The following ANKRD36C variants were observed in gnomAD, a reference collection of about 807,000 sequenced individuals.
The protein encoded by ANKRD36C is ankyrin repeat domain-containing protein 36C.
Under a neutral mutation model 276.4 loss-of-function variants are expected in ANKRD36C, and 61 were observed. The ratio of observed to expected loss-of-function variants is 0.22; its 90% CI spans 0.18 to 0.27. ANKRD36C has a LOEUF of 0.27. Ranked by LOEUF, ANKRD36C falls within the 10% of genes least tolerant of loss-of-function variation. The pLI is 1.00. For missense variants in ANKRD36C, 1,447 were observed against 2,032.3 expected, an observed-to-expected ratio of 0.71 and a Z score of 5.54; for synonymous variants, 483 against 680.1, an observed-to-expected ratio of 0.71 and a Z score of 4.51.
chr2:95,965,396 G>C (rs1678567939), intron 6 of ANKRD36C, among the ~76,000 whole-genome samples: 1 of 152,034 alleles, frequency 6.6e-6, no homozygotes, highest in African/African-American at 2.4e-5. Flanking sequence ...TCATGAGGGG[G>C]AGCCAAGAGG....
chr2:95,958,281 G>C (rs1573803439), intron 12 of ANKRD36C, among the ~76,000 whole-genome samples: 1 of 151,906 alleles, frequency 6.6e-6, no homozygotes, highest in South Asian at 2.1e-4. Context: ...TCTCCTTCCT[G>C]TCTTGATGGA....
At chr2:95,931,283 C>T (rs1677561225) in intron 24 of ANKRD36C, among the ~76,000 whole-genome samples, 2 of 151,198 alleles carry the variant, frequency 1.3e-5, no homozygotes, top group African/African-American at 4.8e-5. Flanking sequence ...CATAGACACT[C>T]TTTCACAGCT....
chr2:95,875,051 G>A (rs938241674), intron 59 of ANKRD36C, among the ~76,000 whole-genome samples: 3 of 152,178 alleles, frequency 2.0e-5, no homozygotes, highest in Non-Finnish European at 4.4e-5. Flanking sequence ...AGAAGATGTG[G>A]AGAAATAGCA....
intron 8 of ANKRD36C, among the ~76,000 whole-genome samples, chr2:95,961,978 T>C (rs1202096457): frequency 1.3e-5 from 2 of 152,020 alleles, no homozygotes; most frequent in African/African-American, 2.4e-5. Flanking sequence ...TCCAATCAGT[T>C]CTTCCATGTG....
intron 19 of ANKRD36C, among the ~76,000 whole-genome samples, chr2:95,943,467 G>A (rs1413185023): frequency 6.7e-6 from 1 of 148,252 alleles, no homozygotes; most frequent in Non-Finnish European, 1.5e-5. Context: ...CTGGGAGACA[G>A]AGCGAGACTC....
chr2:95,973,246 T>C (rs1678734032), intron 6 of ANKRD36C, among the ~76,000 whole-genome samples: 1 of 152,072 alleles, frequency 6.6e-6, no homozygotes, highest in South Asian at 2.1e-4. Flanking sequence ...ACCCCGTCTC[T>C]ACTAAAAATA....
At chr2:95,926,833 C>T (rs1195661391) in intron 28 of ANKRD36C, among the ~76,000 whole-genome samples, 11 of 151,346 alleles carry the variant, frequency 7.3e-5, no homozygotes, top group African/African-American at 1.5e-4. Flanking sequence ...TGTTTATGGG[C>T]TATTACCATA....
At chr2:95,957,676 A>C (rs1678362270) in intron 12 of ANKRD36C, among the ~76,000 whole-genome samples, 1 of 152,234 alleles carries the variant, frequency 6.6e-6, no homozygotes, top group Non-Finnish European at 1.5e-5. Flanking sequence ...AAGGTTGTCC[A>C]TTTGGAAATC....
intron 58 of ANKRD36C, among the ~76,000 whole-genome samples, chr2:95,879,452 T>G (rs141262631): frequency 0.092 from 13,126 of 142,506 alleles, 1,000 homozygotes; most frequent in African/African-American, 0.11. Context: ...AAGTACAAAT[T>G]AAAAGACAGC....
At chr2:95,897,093 G>A (rs930735978) in intron 44 of ANKRD36C, among the ~76,000 whole-genome samples, 177 bp downstream of exon 60, 4 of 150,252 alleles carry the variant, frequency 2.7e-5, no homozygotes, top group Non-Finnish European at 4.5e-5. Flanking sequence ...TTACGGCGAA[G>A]ATCACGTTCC....
At position 95,901,957 on chromosome 2, in the gene ANKRD36C, G is replaced by C. The variant is rs1416955554; in HGVS notation, c.2654-2621C>G. The stretch of plus-strand genomic sequence containing the variant: ...CAAAGTCAAATGGCTACAAGCATTA[G>C]ATATTAATCAGTTTTTCATTCAGAA... On this transcript the variant is annotated intron_variant, in intron 42 of 66. Coordinates refer to ENST00000456556, the Ensembl canonical transcript of ANKRD36C. Among the ~76,000 whole-genome samples, 5 of 148,928 alleles carry C rather than the reference G, an allele frequency of 3.4e-5. 1 individual carries two copies. Among genetic ancestry groups the C allele is most frequent in the African/African-American group, 5.0e-5 (2 of 40,394 alleles).
intron 60 of ANKRD36C, among the ~76,000 whole-genome samples, chr2:95,860,302 T>C (rs1675541439): frequency 6.6e-6 from 1 of 150,662 alleles, no homozygotes; most frequent in Non-Finnish European, 1.5e-5. Flanking sequence ...GTGACAGTTA[T>C]AAACTCAGAT....
intron 42 of ANKRD36C, 150 bp from the exon 47 acceptor site, chr2:95,908,847 T>C (rs1380191358): frequency 6.9e-7 from 1 of 1,449,404 alleles, no homozygotes; most frequent in Non-Finnish European, 9.4e-7. Flanking sequence ...GACTAGAACA[T>C]GACAGAAATA....
intron 10 of ANKRD36C, among the ~76,000 whole-genome samples, chr2:95,959,886 A>C (rs1678416824): frequency 6.6e-6 from 1 of 152,204 alleles, no homozygotes; most frequent in Admixed American, 6.6e-5. Context: ...AGGAGCAGCC[A>C]AAATCAAATT....
intron 17 of ANKRD36C, among the ~76,000 whole-genome samples, chr2:95,947,470 C>T (rs956225054): frequency 4.6e-5 from 7 of 152,032 alleles, no homozygotes; most frequent in Non-Finnish European, 8.8e-5. Flanking sequence ...GCTTAAGATA[C>T]ATACAAATAG....
rs759000083 is a variant in ANKRD36C, at chr2:95,903,273, A to G, written c.2654-3937T>C. 2.1e-4 allele frequency among the ~76,000 whole-genome samples: 32 copies of G among 150,580 alleles called. 1 individual carries two copies. The highest frequency in any genetic ancestry group is 1.7e-3 in the Admixed American group (25 of 15,078). ...GAAAAGGGAATACAGGCTCCACGAAATATAGTCTTAGAATTTCAAACATGG... is the reference window on the plus strand; with the variant it reads ...GAAAAGGGAATACAGGCTCCACGAAGTATAGTCTTAGAATTTCAAACATGG... On this transcript the variant is annotated intron_variant, in intron 42 of 66. Transcript: ENST00000456556.
chr2:95,876,696 CA>C (rs1429668301), intron 58 of ANKRD36C, among the ~76,000 whole-genome samples, 184 bp from the exon 79 acceptor site: 2 of 149,078 alleles, frequency 1.3e-5, no homozygotes, highest in Non-Finnish European at 3.0e-5. Flanking sequence ...CTAAAAAATA[CA>C]AAAAATTAGC....
At chr2:95,985,541 T>C (rs1234802413) in intron 3 of ANKRD36C, among the ~76,000 whole-genome samples, 1 of 152,222 alleles carries the variant, frequency 6.6e-6, no homozygotes, top group Non-Finnish European at 1.5e-5. Flanking sequence ...TTTTAAAACA[T>C]ACATGTCCAG....
At chr2:95,934,331 T>C (rs1677654204) in intron 24 of ANKRD36C, among the ~76,000 whole-genome samples, 1 of 152,004 alleles carries the variant, frequency 6.6e-6, no homozygotes, top group Non-Finnish European at 1.5e-5. Context: ...CTACTCACAA[T>C]AGCAAAGACT....
Sources: allele counts gnomAD v4.1 joint callset (sites outside exome capture counted in the v4.1 genomes callset), GRCh38; gene constraint gnomAD v4.1.1; transcripts MANE v1.5; gene names NCBI Gene and HGNC (gene_info 2026-07-23, HGNC 2026-07-21).